CDS2: variants seen among roughly 807,000 people sequenced by gnomAD.
CDS2 encodes the protein phosphatidate cytidylyltransferase 2.
CDS2 carries 47 observed loss-of-function variants against 59.0 expected under a neutral mutation model. That is an observed-to-expected ratio of 0.80 (90% CI 0.63 to 1.02). The LOEUF (loss-of-function observed/expected upper bound fraction) is 1.02. Among genes scored for constraint, CDS2 ranks in the 50% least tolerant of loss-of-function variants. The pLI is 0.00. For synonymous variants in CDS2, 207 were observed against 206.4 expected (o/e 1.00, Z -0.02); for missense variants, 356 against 558.9 (o/e 0.64, Z 3.66).
chr20:5,188,509 T>A (rs944424340), intron 10 of CDS2, among the ~76,000 whole-genome samples: 1 of 152,230 alleles, frequency 6.6e-6, no homozygotes, highest in African/African-American at 2.4e-5. Flanking sequence ...AACTTAGATA[T>A]TAGAAATTTA....
chr20:5,145,302 C>T (rs1414386941), intron 1 of CDS2, among the ~76,000 whole-genome samples: 1 of 140,444 alleles, frequency 7.1e-6, no homozygotes, highest in Non-Finnish European at 1.5e-5. Context: ...GCTCAATATT[C>T]ATGCTGGAAG....
intron 10 of CDS2, 92 bp downstream of exon 10, chr20:5,186,931 G>A (rs942801833): frequency 6.9e-7 from 1 of 1,446,900 alleles, no homozygotes; most frequent in Non-Finnish European, 9.6e-7. Flanking sequence ...AAAAAAGCTA[G>A]CTTCCTCCTT....
intron 1 of CDS2, among the ~76,000 whole-genome samples, chr20:5,166,101 G>GC (rs2090911778): frequency 6.6e-6 from 1 of 152,164 alleles, no homozygotes; most frequent in Non-Finnish European, 1.5e-5. Context: ...CGAGAGCGTA[G>GC]GTGGGAGTGG....
At position 5,182,455 on chromosome 20, in the gene CDS2, A is replaced by G. The variant is rs375034537; in HGVS notation, c.588+10A>G. 8 of 1,608,296 alleles carry G rather than the reference A, an allele frequency of 5.0e-6. No homozygotes were observed. The African/African-American group carries it at 9.4e-5, about 19-fold the overall frequency. On this transcript the variant is annotated intron_variant, in intron 6 of 12. Transcript: ENST00000460006. ...ACTGCAGTTCTACATGGTAAAGGAAATGCATGCGTGTGTGTCAGAATTCTT... is the reference window on the plus strand; with the variant it reads ...ACTGCAGTTCTACATGGTAAAGGAAGTGCATGCGTGTGTGTCAGAATTCTT...
At chr20:5,148,238 G>GCAC (rs2090759540) in intron 1 of CDS2, among the ~76,000 whole-genome samples, 1 of 152,166 alleles carries the variant, frequency 6.6e-6, no homozygotes, top group South Asian at 2.1e-4. Context: ...CTTGCTGGAG[G>GCAC]TGGCACAGGT....
At chr20:5,139,004 A>G (rs563762926) in intron 1 of CDS2, among the ~76,000 whole-genome samples, 4 of 152,300 alleles carry the variant, frequency 2.6e-5, no homozygotes, top group South Asian at 2.1e-4. Context: ...TTCAAAATGT[A>G]CTGTGAAGCT....
chr20:5,154,252 T>C (rs1189109680), intron 1 of CDS2, among the ~76,000 whole-genome samples: 2 of 152,222 alleles, frequency 1.3e-5, no homozygotes, highest in African/African-American at 4.8e-5. Context: ...TTGCCGAGCC[T>C]GGAGGCTCTC....
At chr20:5,142,800 A>C (rs1480089777) in intron 1 of CDS2, among the ~76,000 whole-genome samples, 1 of 152,212 alleles carries the variant, frequency 6.6e-6, no homozygotes, top group African/African-American at 2.4e-5. Context: ...TCTATAAATA[A>C]TTACTTCAAA....
intron 10 of CDS2, 52 bp from the exon 11 acceptor site, chr20:5,189,015 G>T (rs200273610): frequency 1.2e-6 from 2 of 1,610,080 alleles, no homozygotes; most frequent in African/African-American, 1.3e-5. Context: ...AACTCAAACC[G>T]TAACACTGGG....
chr20:5,149,855 A>AG (rs2090774758), intron 1 of CDS2, among the ~76,000 whole-genome samples: 1 of 152,072 alleles, frequency 6.6e-6, no homozygotes, highest in Non-Finnish European at 1.5e-5. Context: ...AGCTGGGATT[A>AG]CAGGTGCCTG....
At position 5,133,683 on chromosome 20, in the gene CDS2, G is replaced by A. The variant is rs192911791; in HGVS notation, c.57+6534G>A. ...ACTGGGATTACGGGCATGCCACCAC[G>A]CCCAGCTAATTTTGTATTTTTAGTA... On this transcript the variant is annotated intron_variant, in intron 1 of 12. Transcript: ENST00000460006. Among the ~76,000 whole-genome samples the A allele has an allele frequency of 1.6e-4, 24 of 152,104 alleles. No individual in the cohort carries two copies. In the East Asian group the frequency reaches 2.7e-3, roughly 17 times the overall value.
chr20:5,183,009 G>C, intron 6 of CDS2, 52 bp from the exon 7 acceptor site: 1 of 1,443,982 alleles, frequency 6.9e-7, no homozygotes, highest in Admixed American at 1.7e-5. Flanking sequence ...GTTCTTTGAA[G>C]TTACTTTCAA....
chr20:5,182,766 T>G (rs984438177), intron 6 of CDS2, among the ~76,000 whole-genome samples: 2 of 152,218 alleles, frequency 1.3e-5, no homozygotes, highest in Non-Finnish European at 1.5e-5. Context: ...ACTTATTCCC[T>G]GACTCACTAG....
chr20:5,136,706 G>T (rs1038829186), intron 1 of CDS2, among the ~76,000 whole-genome samples: 1 of 151,964 alleles, frequency 6.6e-6, no homozygotes, highest in Non-Finnish European at 1.5e-5. Flanking sequence ...ATTATTGGGG[G>T]GGTGGGGTGG....
chr20:5,170,577 G>A (rs1189955661), intron 1 of CDS2, among the ~76,000 whole-genome samples: 2 of 152,152 alleles, frequency 1.3e-5, no homozygotes, highest in South Asian at 2.1e-4. Flanking sequence ...CAGTTTCCCC[G>A]CTCACAGGGA....
chr20:5,154,534 G>C (rs2090817820), intron 1 of CDS2, among the ~76,000 whole-genome samples: 1 of 152,200 alleles, frequency 6.6e-6, no homozygotes, highest in African/African-American at 2.4e-5. Context: ...AGTGATGTTA[G>C]AAGAATAAAA....
chr20:5,176,765 A>G lies in CDS2; in HGVS notation c.389+20A>G. ...CAGCTGGTAAGCTCTCCGGCCCCAC[A>G]GAGGCTTTTAGAATTTGGATGATGT... On this transcript the variant is annotated intron_variant, in intron 4 of 12. Coordinates refer to ENST00000460006, the MANE Select transcript of CDS2 (RefSeq NM_003818.4). The G allele has an allele frequency of 6.4e-7, 1 of 1,553,228 alleles. No individual in the cohort carries two copies. The highest frequency in any genetic ancestry group is 1.1e-5 in the South Asian group (1 of 89,802).
In CDS2 at chr20:5,169,974, C is replaced by CTTCTGTCCTGTGTGCTGTGG. The variant is rs1219937649; in HGVS notation, c.58-3547_58-3528dup. 2.6e-5 allele frequency among the ~76,000 whole-genome samples: 4 copies of CTTCTGTCCTGTGTGCTGTGG among 152,188 alleles called. No individual in the cohort carries two copies. The East Asian group carries it at 7.7e-4, about 29-fold the overall frequency. On this transcript the variant is annotated intron_variant, in intron 1 of 12. Coordinates refer to ENST00000460006, the MANE Select transcript of CDS2 (RefSeq NM_003818.4). ...GGGGTGGGTGTTTTAGGGTCTCGTG[C>CTTCTGTCCTGTGTGCTGTGG]TTCTGTCCTGTGTGCTGTGGTCAGG...
At chr20:5,143,845 A>G (rs1156754535) in intron 1 of CDS2, among the ~76,000 whole-genome samples, 3 of 148,800 alleles carry the variant, frequency 2.0e-5, no homozygotes, top group East Asian at 3.9e-4. Context: ...GCTTACTACA[A>G]CCTCTGCCTC....
Sources: gnomAD v4.1 joint callset for allele counts (sites outside exome capture counted in the v4.1 genomes callset) on GRCh38, gnomAD v4.1.1 for gene constraint, MANE v1.5 for transcripts, NCBI Gene and HGNC (gene_info 2026-07-23, HGNC 2026-07-21) for gene names.